The following AUH variants were observed in gnomAD, a reference collection of about 807,000 sequenced individuals.
AUH encodes the protein AU RNA binding methylglutaconyl-CoA hydratase.
In AUH, 29 loss-of-function variants were observed where a neutral mutation model predicts 42.3. The ratio of observed to expected loss-of-function variants is 0.69; its 90% CI spans 0.51 to 0.93. AUH has a LOEUF of 0.93. Among genes scored for constraint, AUH ranks in the 40% least tolerant of loss-of-function variants. AUH has a pLI of 0.00. For missense variants in AUH, 452 were observed against 438.1 expected (o/e 1.03, Z -0.28); for synonymous variants, 174 against 166.4 (o/e 1.05, Z -0.35).
chr9:91,360,049 T>A (rs1289938740), intron 1 of AUH, among the ~76,000 whole-genome samples: 1 of 151,488 alleles, frequency 6.6e-6, no homozygotes, highest in Admixed American at 6.6e-5. Context: ...CCCAAAAAAA[T>A]TTTCGTTTAT....
intron 6 of AUH, among the ~76,000 whole-genome samples, chr9:91,255,237 T>C (rs1829346954): frequency 6.6e-6 from 1 of 152,182 alleles, no homozygotes; most frequent in Non-Finnish European, 1.5e-5. Context: ...TAGTCACAGT[T>C]AAACCCAGCA....
chr9:91,244,742 A>G (rs141560546), intron 6 of AUH, among the ~76,000 whole-genome samples: 2 of 152,316 alleles, frequency 1.3e-5, no homozygotes, highest in Non-Finnish European at 2.9e-5. Flanking sequence ...AGAATGTGTG[A>G]AGGGAAGTTC....
chr9:91,250,249 C>T (rs1002275534), intron 6 of AUH, among the ~76,000 whole-genome samples: 1 of 152,102 alleles, frequency 6.6e-6, no homozygotes, highest in Non-Finnish European at 1.5e-5. Context: ...CCACTCCTCA[C>T]GACTCACCCA....
At chr9:91,313,886 C>T (rs1229973839) in intron 4 of AUH, among the ~76,000 whole-genome samples, 2 of 149,692 alleles carry the variant, frequency 1.3e-5, no homozygotes, top group South Asian at 2.1e-4. Flanking sequence ...GCAAATGGCA[C>T]GATCTCGGCT....
Position 91,357,431 on chromosome 9 carries a change from T to C in AUH, c.263-1276A>G, listed in dbSNP as rs928124473. On this transcript the variant is annotated intron_variant, in intron 1 of 9. Transcript: ENST00000375731. ...AGCTTCAGTTTCCTCAGGAAGAAAA[T>C]CAAGCAGCTAAGACTAGATGTGTCC... The C allele has an allele frequency of 1.2e-5, 11 of 892,274 alleles. No homozygotes were observed. In the African/African-American group the frequency reaches 2.0e-4, roughly 16 times the overall value. The allele number at this position is 892,274 out of a possible 1,614,324, so 55.3% of individuals were successfully genotyped here.
At chr9:91,253,312 T>C (rs947270103) in intron 6 of AUH, among the ~76,000 whole-genome samples, 10 of 152,234 alleles carry the variant, frequency 6.6e-5, no homozygotes, top group African/African-American at 2.4e-4. Context: ...ATTTATCAGA[T>C]ACTCTGATTT....
chr9:91,294,479 C>A (rs963951693), intron 6 of AUH, among the ~76,000 whole-genome samples: 3 of 151,286 alleles, frequency 2.0e-5, no homozygotes, highest in Non-Finnish European at 4.4e-5. Flanking sequence ...ACCGGGGAGG[C>A]AGGGGTTGCA....
chr9:91,349,245 T>C (rs1831764541), intron 3 of AUH, among the ~76,000 whole-genome samples: 1 of 152,224 alleles, frequency 6.6e-6, no homozygotes, highest in Non-Finnish European at 1.5e-5. Flanking sequence ...TTTACTAGAA[T>C]TCAAAAGCAG....
chr9:91,298,174 G>A (rs945369918), intron 4 of AUH, 98 bp from the exon 5 acceptor site: 1 of 899,376 alleles, frequency 1.1e-6, no homozygotes, highest in African/African-American at 1.7e-5. Context: ...GCTTTAAATG[G>A]GAGATCATAT....
intron 6 of AUH, among the ~76,000 whole-genome samples, chr9:91,223,519 C>A (rs1326697211): frequency 6.6e-6 from 1 of 152,168 alleles, no homozygotes; most frequent in Non-Finnish European, 1.5e-5. Context: ...GTGAATAATG[C>A]TGCTATGAAC....
chr9:91,288,779 C>T (rs1403102453), intron 6 of AUH, among the ~76,000 whole-genome samples: 3 of 151,996 alleles, frequency 2.0e-5, no homozygotes, highest in Admixed American at 6.6e-5. Context: ...TCATTTGATA[C>T]TAAACAATAT....
chr9:91,344,683 A>G (rs887142606), intron 3 of AUH, among the ~76,000 whole-genome samples: 1 of 152,204 alleles, frequency 6.6e-6, no homozygotes, highest in Non-Finnish European at 1.5e-5. Context: ...AACTATGCAA[A>G]CTTGTTCAGG....
chr9:91,272,354 C>T (rs895533983), intron 6 of AUH, among the ~76,000 whole-genome samples: 2 of 152,190 alleles, frequency 1.3e-5, no homozygotes, highest in Non-Finnish European at 2.9e-5. Flanking sequence ...CTCTCATGCT[C>T]CCCCAGCTTG....
intron 3 of AUH, among the ~76,000 whole-genome samples, chr9:91,333,282 T>G (rs116337424): frequency 6.9e-4 from 105 of 151,450 alleles, no homozygotes; most frequent in African/African-American, 2.5e-3. Context: ...TGCTTTCAAT[T>G]TTTTTTTTCC....
chr9:91,265,962 G>C (rs575308343), intron 6 of AUH, among the ~76,000 whole-genome samples: 6 of 151,316 alleles, frequency 4.0e-5, no homozygotes, highest in Admixed American at 1.3e-4. Context: ...CTCTTTTATA[G>C]TTTATGTTTT....
intron 4 of AUH, among the ~76,000 whole-genome samples, chr9:91,324,120 CA>C (rs1587858926): frequency 1.3e-5 from 2 of 152,174 alleles, no homozygotes; most frequent in East Asian, 3.9e-4. Context: ...CACATTTAAA[CA>C]CAAAGAATAT....
chr9:91,311,729 T>C (rs1468099227), intron 4 of AUH, among the ~76,000 whole-genome samples: 1 of 152,156 alleles, frequency 6.6e-6, no homozygotes, highest in Non-Finnish European at 1.5e-5. Flanking sequence ...TGGGTCCCAA[T>C]AGTGATGTCA....
rs528068435 is a variant in AUH, at chr9:91,311,226, ATTAT to A, written c.506-13154_506-13151del. The stretch of plus-strand genomic sequence containing the variant: ...AGAGACTGAAAATTTCCAAAATTAA[ATTAT>A]TTCTTTCTATAAAACCTTATAAATG... On this transcript the variant is annotated intron_variant, in intron 4 of 9. Transcript: ENST00000375731. Among the ~76,000 whole-genome samples the A allele has an allele frequency of 4.5e-3, 690 of 152,320 alleles. 5 individuals are homozygous for A. Among genetic ancestry groups the A allele is most frequent in the Admixed American group, 9.3e-3 (143 of 15,296 alleles).
chr9:91,328,785 T>C (rs1263409723), intron 3 of AUH, among the ~76,000 whole-genome samples: 1 of 152,236 alleles, frequency 6.6e-6, no homozygotes, highest in Non-Finnish European at 1.5e-5. Context: ...AAGAATAATT[T>C]ACATAAAATA....
Sources: allele counts gnomAD v4.1 joint callset (sites outside exome capture counted in the v4.1 genomes callset), GRCh38; gene constraint gnomAD v4.1.1; transcripts MANE v1.5; gene names NCBI Gene and HGNC (gene_info 2026-07-23, HGNC 2026-07-21).